SRGAP1: variants seen among roughly 807,000 people sequenced by gnomAD.
SRGAP1 encodes SLIT-ROBO Rho GTPase-activating protein 1.
Under a neutral mutation model 121.9 loss-of-function variants are expected in SRGAP1, and 43 were observed. The ratio of observed to expected loss-of-function variants is 0.35; its 90% CI spans 0.28 to 0.46. SRGAP1 has a LOEUF of 0.46. Ranked by LOEUF, SRGAP1 falls within the 20% of genes least tolerant of loss-of-function variation. SRGAP1 has a pLI of 1.00. For missense variants in SRGAP1, 1,102 were observed against 1,350.9 expected (o/e 0.82, Z 2.89); for synonymous variants, 447 against 485.4 (o/e 0.92, Z 1.04).
At chr12:63,872,143 A>T in intron 1 of SRGAP1, 1 of 462,576 alleles carries the variant, frequency 2.2e-6, no homozygotes, top group Non-Finnish European at 3.9e-6. Flanking sequence ...GTTTTTCTTT[A>T]AATGGAACAT....
chr12:63,972,817 A>T (rs571829969), intron 1 of SRGAP1, among the ~76,000 whole-genome samples: 13 of 152,076 alleles, frequency 8.5e-5, no homozygotes, highest in South Asian at 4.2e-4. Context: ...TAGTTTTTTT[A>T]AAAAATCTGA....
intron 1 of SRGAP1, among the ~76,000 whole-genome samples, chr12:63,979,592 A>G (rs1351148605): frequency 6.6e-6 from 1 of 151,824 alleles, no homozygotes; most frequent in African/African-American, 2.4e-5. Flanking sequence ...GTTGCACTTC[A>G]TTGTTATGGC....
chr12:63,970,472 A>T (rs1592993134), intron 1 of SRGAP1, among the ~76,000 whole-genome samples: 2 of 152,350 alleles, frequency 1.3e-5, no homozygotes, highest in East Asian at 3.9e-4. Context: ...TAACATTTTC[A>T]TCATAGTATT....
At chr12:63,983,762 C>A (rs764915128) in intron 1 of SRGAP1, 185 bp from the exon 2 acceptor site, 3 of 139,200 alleles carry the variant, frequency 2.2e-5, no homozygotes, top group Non-Finnish European at 4.4e-5. Context: ...AGAGCGAGAC[C>A]TCTATCTCAA....
rs758082154 is a variant in SRGAP1, at chr12:64,065,230, G to A, written c.1125+11G>A. 10 of 1,601,384 alleles carry A rather than the reference G, an allele frequency of 6.2e-6. No homozygotes were observed. The highest frequency in any genetic ancestry group is 4.5e-5 in the East Asian group (2 of 44,500). ...ATCGAGAATGAAGAGGTGAGCATGC[G>A]TTCGTCCTGCCACACCAGTAATCTG... On this transcript the variant is annotated intron_variant, in intron 8 of 21. Coordinates refer to ENST00000355086, the MANE Select transcript of SRGAP1 (RefSeq NM_020762.4).
chr12:63,888,945 A>C (rs1430967832), intron 1 of SRGAP1, among the ~76,000 whole-genome samples: 2 of 152,202 alleles, frequency 1.3e-5, no homozygotes, highest in Non-Finnish European at 2.9e-5. Flanking sequence ...GCCAGAATGG[A>C]CCATGAGTGG....
chr12:64,100,094 A>G (rs1051256981), intron 15 of SRGAP1, among the ~76,000 whole-genome samples: 1 of 152,188 alleles, frequency 6.6e-6, no homozygotes, highest in Non-Finnish European at 1.5e-5. Context: ...AGGGTTTCAC[A>G]TCATGCCTGG....
intron 4 of SRGAP1, among the ~76,000 whole-genome samples, chr12:64,019,754 G>A (rs1445688680): frequency 1.3e-5 from 2 of 152,182 alleles, no homozygotes; most frequent in Non-Finnish European, 2.9e-5. Flanking sequence ...AATATTTGGA[G>A]GAATGTAGTT....
intron 1 of SRGAP1, among the ~76,000 whole-genome samples, chr12:63,929,065 G>A (rs1272161253): frequency 6.6e-6 from 1 of 152,176 alleles, no homozygotes; most frequent in Non-Finnish European, 1.5e-5. Context: ...TCCATGGCCT[G>A]GGGGTTGGGG....
chr12:64,019,740 G>C (rs1444846295), intron 4 of SRGAP1, among the ~76,000 whole-genome samples: 1 of 152,142 alleles, frequency 6.6e-6, no homozygotes, highest in African/African-American at 2.4e-5. Context: ...TTGAACAGTG[G>C]AACAATATTT....
In SRGAP1 at chr12:64,154,265, T is replaced by C. The variant is rs1229813197; in HGVS notation, c.*11593T>C. ...AACATCATATTAAACATGGTTAAGA[T>C]AGTAAATTTTATACTATGTAATTTT... On this transcript the variant is annotated 3_prime_UTR_variant, in exon 22 of 22. Transcript: ENST00000355086. 5 of 152,224 alleles carry C rather than the reference T, an allele frequency of 3.3e-5. No individual in the cohort carries two copies. Among genetic ancestry groups the C allele is most frequent in the Non-Finnish European group, 7.3e-5 (5 of 68,040 alleles). The allele number at this position is 152,224 out of a possible 1,614,324, so 9.4% of individuals were successfully genotyped here.
intron 3 of SRGAP1, among the ~76,000 whole-genome samples, chr12:64,009,134 A>C (rs1036298521): frequency 6.6e-6 from 1 of 152,154 alleles, no homozygotes; most frequent in Non-Finnish European, 1.5e-5. Context: ...CATAAAGCTG[A>C]GTTGATTGCA....
chr12:63,863,458 G>A (rs1369395942), intron 1 of SRGAP1, among the ~76,000 whole-genome samples: 3 of 152,006 alleles, frequency 2.0e-5, no homozygotes, highest in Non-Finnish European at 4.4e-5. Context: ...CTTTAGTAGA[G>A]ATGGGGTTTC....
chr12:63,935,511 G>A (rs182574868), intron 1 of SRGAP1, among the ~76,000 whole-genome samples: 29 of 152,200 alleles, frequency 1.9e-4, no homozygotes, highest in Admixed American at 1.7e-3. Context: ...AATCTACATA[G>A]TTTGGTATCA....
chr12:64,140,688 T>C (rs560822106), intron 21 of SRGAP1, among the ~76,000 whole-genome samples: 2,194 of 133,396 alleles, frequency 0.016, 76 homozygotes, highest in African/African-American at 0.061. Context: ...TGTAAACTAG[T>C]TCAACCATTG....
chr12:63,969,735 A>G (rs1047673751), intron 1 of SRGAP1, among the ~76,000 whole-genome samples: 2 of 151,934 alleles, frequency 1.3e-5, no homozygotes, highest in Non-Finnish European at 2.9e-5. Flanking sequence ...CAGAGCTTGC[A>G]GTGAACCGAG....
chr12:63,954,677 C>CAAAAAAAAAAAAAAAAAAA (rs60508657), intron 1 of SRGAP1, among the ~76,000 whole-genome samples: 26 of 104,598 alleles, frequency 2.5e-4, no homozygotes, highest in African/African-American at 8.9e-4. Flanking sequence ...GACTCCATCT[C>CAAAAAAAAAAAAAAAAAAA]AAAAAAAAAA....
intron 1 of SRGAP1, among the ~76,000 whole-genome samples, chr12:63,873,301 C>A (rs1899915202): frequency 6.6e-6 from 1 of 151,968 alleles, no homozygotes. Flanking sequence ...GAGGCCGAGG[C>A]GGGTGGATCA....
chr12:64,147,924 C>T lies in SRGAP1; in HGVS notation c.*5252C>T, dbSNP rs1176084660. 5.5e-6 allele frequency: 2 copies of T among 366,570 alleles called. No homozygotes were observed. Among genetic ancestry groups the T allele is most frequent in the Non-Finnish European group, 9.7e-6 (2 of 206,842 alleles). The allele number at this position is 366,570 out of a possible 1,614,324, so 22.7% of individuals were successfully genotyped here. On this transcript the variant is annotated 3_prime_UTR_variant, in exon 22 of 22. Coordinates refer to ENST00000355086, the MANE Select transcript of SRGAP1 (RefSeq NM_020762.4). ...TCACTACTTTCTCCTTGACAGCTAG[C>T]TTGCATTAAATAATGTGAAACTTTT...
Sources: gnomAD v4.1 joint callset for allele counts (sites outside exome capture counted in the v4.1 genomes callset) on GRCh38, gnomAD v4.1.1 for gene constraint, MANE v1.5 for transcripts, NCBI Gene and HGNC (gene_info 2026-07-23, HGNC 2026-07-21) for gene names.